Variants in MAVS observed in about 807,000 individuals in gnomAD.
MAVS encodes mitochondrial antiviral-signaling protein.
MAVS carries 20 observed loss-of-function variants against 30.2 expected under a neutral mutation model. The ratio of observed to expected loss-of-function variants is 0.66; its 90% CI spans 0.47 to 0.96. MAVS has a LOEUF of 0.96. Among genes scored for constraint, MAVS ranks in the 40% least tolerant of loss-of-function variants. The pLI is 0.00. For missense variants in MAVS, 624 were observed against 701.1 expected, an observed-to-expected ratio of 0.89 and a Z score of 1.24; for synonymous variants, 278 against 293.9, an observed-to-expected ratio of 0.95 and a Z score of 0.55.
chr20:3,848,182 C>T (rs2089724730), intron 1 of MAVS, among the ~76,000 whole-genome samples: 1 of 152,080 alleles, frequency 6.6e-6, no homozygotes, highest in East Asian at 1.9e-4. Context: ...TCACTGCAAC[C>T]TCTGCCTCCT....
At chr20:3,853,319 T>C (rs896475447) in intron 1 of MAVS, among the ~76,000 whole-genome samples, 4 of 150,710 alleles carry the variant, frequency 2.7e-5, no homozygotes, top group Admixed American at 6.6e-5. Context: ...ACCCCGTCTC[T>C]ACTAAAATAC....
In MAVS at chr20:3,874,112, C is replaced by A. The variant is rs2089974285; in HGVS notation, c.*7965C>A. 1 of 398,616 alleles carries A rather than the reference C, an allele frequency of 2.5e-6. No individual in the cohort carries two copies. The highest frequency in any genetic ancestry group is 3.6e-5 in the East Asian group (1 of 28,088). The allele number at this position is 398,616 out of a possible 1,614,324, so 24.7% of individuals were successfully genotyped here. ...GAATATGAATGAAAATATCGCTATG[C>A]ACAGCAACATGGATAAATTTCACAG... is the stretch of plus-strand genomic sequence containing the variant. On this transcript the variant is annotated 3_prime_UTR_variant, in exon 7 of 7. Transcript: ENST00000428216.
At chr20:3,856,582 C>G (rs2089812737) in intron 2 of MAVS, among the ~76,000 whole-genome samples, 1 of 151,482 alleles carries the variant, frequency 6.6e-6, no homozygotes, top group South Asian at 2.1e-4. Context: ...GAACTCCTGA[C>G]CTTGTGATCC....
rs1471770475 is a variant in MAVS, at chr20:3,865,494, A to G, written c.1159-189A>G. On this transcript the variant is annotated intron_variant, in intron 6 of 6. Transcript: ENST00000428216. This position sits in a 1 kb window ranked among gnomAD's most constrained non-coding sequence, Gnocchi z 4.7. ...GGGAAAGGCTGCCCTGGAGGAGGCC[A>G]CCATTGGTGCAGATTCTTGGTCCCC... Among the ~76,000 whole-genome samples the G allele has an allele frequency of 3.3e-5, 5 of 152,090 alleles. No homozygotes were observed. Among genetic ancestry groups the G allele is most frequent in the Non-Finnish European group, 5.9e-5 (4 of 67,998 alleles).
At chr20:3,852,349 C>G (rs938472773) in intron 1 of MAVS, among the ~76,000 whole-genome samples, 4 of 152,098 alleles carry the variant, frequency 2.6e-5, no homozygotes, top group African/African-American at 9.7e-5. Flanking sequence ...AAGAAGCTGA[C>G]CTGAAGATCT....
chr20:3,851,503 C>CAAA, intron 1 of MAVS, among the ~76,000 whole-genome samples: 1 of 95,660 alleles, frequency 1.0e-5, no homozygotes, highest in Non-Finnish European at 2.1e-5. Flanking sequence ...GACTCTGTCT[C>CAAA]AAAAAAAAAA....
chr20:3,849,717 G>T (rs1048962570), intron 1 of MAVS, among the ~76,000 whole-genome samples: 2 of 152,048 alleles, frequency 1.3e-5, no homozygotes, highest in East Asian at 3.9e-4. Flanking sequence ...TGTCTCCAGG[G>T]GCTCTGTCTC....
intron 2 of MAVS, among the ~76,000 whole-genome samples, chr20:3,856,663 C>A (rs1018407105): frequency 3.9e-5 from 6 of 151,964 alleles, no homozygotes; most frequent in African/African-American, 1.5e-4. Context: ...TTCTAAAAAT[C>A]TAGCTCCTGC....
chr20:3,862,249 T>C lies in MAVS; in HGVS notation c.466-5T>C. ...CTGCCTTATTCATATTTTCCCTCAT[T>C]GCAGAATTCAGAGCAAGCCCTGCAG... On this transcript the variant is annotated splice_polypyrimidine_tract_variant and splice_region_variant and intron_variant, in intron 4 of 6. Transcript: ENST00000428216. 1 of 1,612,078 alleles carries C rather than the reference T, an allele frequency of 6.2e-7. No homozygotes were observed. Among genetic ancestry groups the C allele is most frequent in the Non-Finnish European group, 8.5e-7 (1 of 1,179,362 alleles).
intron 1 of MAVS, among the ~76,000 whole-genome samples, chr20:3,848,746 T>C (rs1334008231): frequency 6.6e-6 from 1 of 152,176 alleles, no homozygotes; most frequent in Non-Finnish European, 1.5e-5. Context: ...CAATAGCATC[T>C]CAAACTTCAC....
chr20:3,858,209 C>G (rs2089829805), intron 3 of MAVS, among the ~76,000 whole-genome samples: 1 of 152,034 alleles, frequency 6.6e-6, no homozygotes, highest in Non-Finnish European at 1.5e-5. Flanking sequence ...TCTCCCCCAC[C>G]TACTCATTCA....
intron 1 of MAVS, among the ~76,000 whole-genome samples, chr20:3,848,342 G>A (rs1311737672): frequency 2.0e-5 from 3 of 152,080 alleles, no homozygotes; most frequent in East Asian, 1.9e-4. Context: ...CAAGTGATCT[G>A]CCTGCCTCGG....
intron 1 of MAVS, among the ~76,000 whole-genome samples, chr20:3,853,251 C>T (rs2089777985): frequency 6.6e-6 from 1 of 150,444 alleles, no homozygotes; most frequent in South Asian, 2.1e-4. Flanking sequence ...CTTTGGGAGG[C>T]CGAGGCGGGC....
At position 3,862,310 on chromosome 20, in the gene MAVS, T is replaced by C; in HGVS notation, c.522T>C (p.Asp174=). 6.2e-7 allele frequency: 1 copy of C among 1,614,076 alleles called. No homozygotes were observed. The highest frequency in any genetic ancestry group is 8.5e-7 in the Non-Finnish European group (1 of 1,180,010). Residue 174 remains aspartate (D), a synonymous_variant, in exon 5 of 7, where the codon GAT becomes GAC. Transcript: ENST00000428216. ...LSPRAIPRNP[D]GGPLESSSDL... is the part of the protein sequence containing the mutation. ...CCAGAGCCATCCCAAGGAATCCAGATGGTGGCCCCCTGGAGTCCTCCTCTG... is the reference window on the plus strand; with the variant it reads ...CCAGAGCCATCCCAAGGAATCCAGACGGTGGCCCCCTGGAGTCCTCCTCTG...
At chr20:3,859,366 C>G (rs561334536) in intron 3 of MAVS, among the ~76,000 whole-genome samples, 205 of 151,832 alleles carry the variant, frequency 1.4e-3, no homozygotes, top group Non-Finnish European at 1.7e-3. Flanking sequence ...AAATTAGCTG[C>G]GCATGGTGGT....
At position 3,866,495 on chromosome 20, in the gene MAVS, G is replaced by C. The variant is rs3746661; in HGVS notation, c.*348G>C. 27,825 of 384,518 alleles carry C rather than the reference G, an allele frequency of 0.072. 1,461 individuals are homozygous for C. The highest frequency in any genetic ancestry group is 0.22 in the East Asian group (4,179 of 19,026). 23.8% of individuals were successfully genotyped at this position (384,518 alleles called of 1,614,324 possible). ...CTGTTGGCCCAGGTGGAGCAGGAGG[G>C]ACCACTGGAACATGTGGTGCTTGGG... On this transcript the variant is annotated 3_prime_UTR_variant, in exon 7 of 7. Coordinates refer to ENST00000428216, the MANE Select transcript of MAVS (RefSeq NM_020746.5).
intron 4 of MAVS, 104 bp from the exon 5 acceptor site, chr20:3,862,150 A>G (rs939543021): frequency 1.7e-5 from 23 of 1,331,252 alleles, no homozygotes; most frequent in Non-Finnish European, 2.4e-5. Flanking sequence ...CCTGTGCTCC[A>G]TGGTGTGGGC....
chr20:3,853,216 G>C (rs1310572506), intron 1 of MAVS, among the ~76,000 whole-genome samples: 1 of 148,212 alleles, frequency 6.7e-6, no homozygotes, highest in Non-Finnish European at 1.5e-5. Flanking sequence ...GCCGGGCGCG[G>C]TGGCTCACGC....
rs933476238 is a variant in MAVS at position 3,869,521 on chromosome 20, T to A, written c.*3374T>A. The A allele has an allele frequency of 6.6e-6, 1 of 152,124 alleles. No homozygotes were observed. The highest frequency in any genetic ancestry group is 6.6e-5 in the Admixed American group (1 of 15,260). 9.4% of individuals were successfully genotyped at this position (152,124 alleles called of 1,614,324 possible). On this transcript the variant is annotated 3_prime_UTR_variant, in exon 7 of 7. Coordinates refer to ENST00000428216, the MANE Select transcript of MAVS (RefSeq NM_020746.5). ...AGGTCATGCTGTTATGTTGCCCAGG[T>A]TGGCCTCATGAGATCTTGCCTTAGC...
Sources: gnomAD v4.1 joint callset for allele counts (sites outside exome capture counted in the v4.1 genomes callset) on GRCh38, gnomAD v4.1.1 for gene constraint, Gnocchi (gnomAD v3.1) non-coding constraint, MANE v1.5 for transcripts, NCBI Gene and HGNC (gene_info 2026-07-23, HGNC 2026-07-21) for gene names.